NAALADL2: variants seen among roughly 807,000 people sequenced by gnomAD.
NAALADL2 encodes N-acetylated alpha-linked acidic dipeptidase like 2.
A neutral mutation model predicts 87.2 loss-of-function variants in NAALADL2; 76 were observed. The observed-to-expected ratio is 0.87, with a 90% CI of 0.72 to 1.05. The LOEUF is 1.05. NAALADL2 is among the 50% of genes least tolerant of loss of function. The pLI is 0.00. For synonymous variants in NAALADL2, 354 were observed against 331.0 expected (o/e 1.07, Z -0.75); for missense variants, 1,089 against 945.8 (o/e 1.15, Z -1.99).
chr3:174,941,284 T>G (rs1020890791), intron 1 of NAALADL2, among the ~76,000 whole-genome samples: 1 of 152,158 alleles, frequency 6.6e-6, no homozygotes, highest in Non-Finnish European at 1.5e-5. Flanking sequence ...ACATGTTGTT[T>G]GATTTTCATG....
chr3:175,587,319 T>A (rs1720677674), intron 10 of NAALADL2, among the ~76,000 whole-genome samples: 1 of 152,240 alleles, frequency 6.6e-6, no homozygotes, highest in African/African-American at 2.4e-5. Context: ...TGCTTCTTTT[T>A]CACCTATGTA....
chr3:174,848,940 A>G (rs1724934849), intron 3 of NAALADL2, among the ~76,000 whole-genome samples: 1 of 152,202 alleles, frequency 6.6e-6, no homozygotes, highest in South Asian at 2.1e-4. Context: ...CCTGTAGAGC[A>G]TATTACTATA....
chr3:174,879,962 G>A (rs975742770), intron 1 of NAALADL2, among the ~76,000 whole-genome samples: 13 of 151,970 alleles, frequency 8.6e-5, no homozygotes, highest in South Asian at 2.1e-4. Context: ...CCTGGTCTTC[G>A]GGTACTGTGC....
intron 9 of NAALADL2, among the ~76,000 whole-genome samples, chr3:175,558,523 C>T (rs777423444): frequency 6.6e-6 from 1 of 152,070 alleles, no homozygotes; most frequent in Non-Finnish European, 1.5e-5. Flanking sequence ...AGAGTTTCTG[C>T]AATGTTTTCT....
chr3:174,834,639 A>G (rs922710409), intron 3 of NAALADL2, among the ~76,000 whole-genome samples: 3 of 151,964 alleles, frequency 2.0e-5, no homozygotes, highest in Non-Finnish European at 4.4e-5. Context: ...AGTCAATTGT[A>G]TCTTATATAC....
intron 5 of NAALADL2, among the ~76,000 whole-genome samples, chr3:175,332,889 T>C (rs778928319): frequency 1.3e-5 from 2 of 152,252 alleles, no homozygotes; most frequent in Non-Finnish European, 2.9e-5. Flanking sequence ...ATGCATGCTT[T>C]ATATAGCTGG....
intron 9 of NAALADL2, among the ~76,000 whole-genome samples, chr3:175,516,851 TAACTC>T (rs943290006): frequency 1.3e-5 from 2 of 152,202 alleles, no homozygotes; most frequent in African/African-American, 4.8e-5. Context: ...TCACTTCTGT[TAACTC>T]TAAGTTGTTT....
chr3:174,863,961 T>C (rs1726827299), intron 1 of NAALADL2: 2 of 428,674 alleles, frequency 4.7e-6, no homozygotes, highest in South Asian at 3.4e-5. Flanking sequence ...CATTTAGATA[T>C]TGAGGTAACA....
At chr3:174,857,001 T>A (rs999249017), upstream of NAALADL2, among the ~76,000 whole-genome samples, 1 of 152,126 alleles carries the variant, frequency 6.6e-6, no homozygotes, top group Non-Finnish European at 1.5e-5. Context: ...GAATGTATTC[T>A]CCTGAGGTTA....
intron 9 of NAALADL2, among the ~76,000 whole-genome samples, chr3:175,514,503 G>T (rs964068768): frequency 3.3e-5 from 5 of 152,132 alleles, no homozygotes; most frequent in South Asian, 4.1e-4. Context: ...CACTACAGTG[G>T]TATTATGCCA....
chr3:175,544,510 T>A (rs1248182392), intron 9 of NAALADL2, among the ~76,000 whole-genome samples: 2 of 152,212 alleles, frequency 1.3e-5, no homozygotes, highest in Non-Finnish European at 2.9e-5. Context: ...TTTTCGTATC[T>A]TCTTTTTCCA....
At chr3:174,785,311 G>A (rs919346690) in intron 3 of NAALADL2, among the ~76,000 whole-genome samples, 5 of 152,188 alleles carry the variant, frequency 3.3e-5, no homozygotes, top group African/African-American at 9.6e-5. Context: ...ATAGCTAATA[G>A]CTCCCACTTA....
intron 5 of NAALADL2, among the ~76,000 whole-genome samples, chr3:175,325,050 C>G (rs6764615): frequency 0.2 from 30,714 of 152,044 alleles, 3,431 homozygotes; most frequent in East Asian, 0.46. Flanking sequence ...TTTGAATCTT[C>G]TTGCAGGGTG....
At chr3:175,736,241 T>C (rs747950655) in intron 11 of NAALADL2, among the ~76,000 whole-genome samples, 56 of 152,212 alleles carry the variant, frequency 3.7e-4, no homozygotes, top group Non-Finnish European at 7.1e-4. Context: ...GGGGGAATTA[T>C]GTATGTACGA....
rs1270319849 is a variant in NAALADL2, at chr3:175,217,673, G to C, written c.546-16258G>C. 2.0e-5 allele frequency among the ~76,000 whole-genome samples: 3 copies of C among 152,282 alleles called. No homozygotes were observed. The East Asian group carries it at 5.8e-4, about 29-fold the overall frequency. On this transcript the variant is annotated intron_variant, in intron 2 of 13. Coordinates refer to ENST00000454872, the MANE Select transcript of NAALADL2 (RefSeq NM_207015.3). ...TGAAAAAAGCAATGGCTGACTATAA[G>C]AAATATCAAAGCTCTAGTTTTAACC...
chr3:175,524,488 A>G (rs1733115645), intron 9 of NAALADL2, among the ~76,000 whole-genome samples: 1 of 152,166 alleles, frequency 6.6e-6, no homozygotes, highest in African/African-American at 2.4e-5. Flanking sequence ...AATAAATAAA[A>G]TCCTGTGGTT....
intron 2 of NAALADL2, among the ~76,000 whole-genome samples, chr3:174,609,286 T>G (rs1254078860): frequency 6.6e-6 from 1 of 152,086 alleles, no homozygotes; most frequent in Non-Finnish European, 1.5e-5. Context: ...CCACTCCTAT[T>G]CAACATAGTG....
chr3:175,531,410 T>A (rs1364089688), intron 9 of NAALADL2, among the ~76,000 whole-genome samples: 1 of 152,216 alleles, frequency 6.6e-6, no homozygotes, highest in Non-Finnish European at 1.5e-5. Context: ...TTAGTCGTAT[T>A]TATTTCCCAT....
At chr3:175,173,073 C>T (rs1339731409) in intron 2 of NAALADL2, among the ~76,000 whole-genome samples, 1 of 151,764 alleles carries the variant, frequency 6.6e-6, no homozygotes, top group Non-Finnish European at 1.5e-5. Flanking sequence ...AGTGGATCTC[C>T]TGAGCTCAGG....
Sources: allele counts gnomAD v4.1 joint callset (sites outside exome capture counted in the v4.1 genomes callset), GRCh38; gene constraint gnomAD v4.1.1; transcripts MANE v1.5; gene names NCBI Gene and HGNC (gene_info 2026-07-23, HGNC 2026-07-21).